PTPRD: variants seen among roughly 807,000 people sequenced by gnomAD.
PTPRD encodes the protein receptor-type tyrosine-protein phosphatase delta.
In PTPRD, 34 loss-of-function variants were observed where a neutral mutation model predicts 214.5. That is an observed-to-expected ratio of 0.16 (90% confidence interval 0.12 to 0.21). The LOEUF (loss-of-function observed/expected upper bound fraction) is 0.21. Among genes scored for constraint, PTPRD ranks in the 10% least tolerant of loss-of-function variants. The pLI is 1.00. For synonymous variants in PTPRD, 1,128 were observed against 845.7 expected, an observed-to-expected ratio of 1.33 and a Z score of -5.79; for missense variants, 2,545 against 2,398.7, an observed-to-expected ratio of 1.06 and a Z score of -1.27.
At chr9:8,825,566 C>T (rs1477656447) in intron 11 of PTPRD, among the ~76,000 whole-genome samples, 1 of 152,128 alleles carries the variant, frequency 6.6e-6, no homozygotes, top group East Asian at 1.9e-4. Context: ...AGATTAGCAA[C>T]GTTTTAAGCA....
chr9:9,563,952 T>C (rs1207025309), intron 8 of PTPRD, among the ~76,000 whole-genome samples: 1 of 152,124 alleles, frequency 6.6e-6, no homozygotes, highest in Non-Finnish European at 1.5e-5. Flanking sequence ...AATGGGCATA[T>C]GAGTCACTTA....
At chr9:9,203,675 C>A (rs973477641) in intron 9 of PTPRD, among the ~76,000 whole-genome samples, 1 of 152,098 alleles carries the variant, frequency 6.6e-6, no homozygotes, top group Non-Finnish European at 1.5e-5. Flanking sequence ...AGTCATATTT[C>A]CCAAAAAGTT....
chr9:10,054,059 A>G (rs999790080), intron 3 of PTPRD, among the ~76,000 whole-genome samples: 1 of 152,036 alleles, frequency 6.6e-6, no homozygotes. Flanking sequence ...ACACCCTGCG[A>G]CTTTAAAACT....
chr9:9,126,654 CTGAG>C (rs1171026810), intron 10 of PTPRD, among the ~76,000 whole-genome samples: 1 of 152,106 alleles, frequency 6.6e-6, no homozygotes, highest in African/African-American at 2.4e-5. Flanking sequence ...TGGTGAATCA[CTGAG>C]TGATGGTAGT....
chr9:9,534,192 T>C (rs1225983291), intron 8 of PTPRD, among the ~76,000 whole-genome samples: 4 of 152,134 alleles, frequency 2.6e-5, no homozygotes, highest in Admixed American at 2.6e-4. Context: ...CTGACAGCTA[T>C]AACTTGTTAA....
chr9:9,426,047 T>G (rs1010750455), intron 8 of PTPRD, among the ~76,000 whole-genome samples: 1 of 151,994 alleles, frequency 6.6e-6, no homozygotes, highest in Non-Finnish European at 1.5e-5. Flanking sequence ...ATGGGGCTTG[T>G]CCGGCAGTGG....
chr9:9,126,673 G>C (rs938254709), intron 10 of PTPRD, among the ~76,000 whole-genome samples: 3 of 152,206 alleles, frequency 2.0e-5, no homozygotes, highest in African/African-American at 7.2e-5. Flanking sequence ...GGTAGTTGTA[G>C]TGGTAGTAAG....
At chr9:8,966,555 A>G (rs1249259070) in intron 11 of PTPRD, among the ~76,000 whole-genome samples, 1 of 152,136 alleles carries the variant, frequency 6.6e-6, no homozygotes, top group Non-Finnish European at 1.5e-5. Flanking sequence ...CTGGCCAGCC[A>G]TATCCAGAAG....
intron 2 of PTPRD, among the ~76,000 whole-genome samples, chr9:10,590,460 A>T (rs1187213395): frequency 6.6e-6 from 1 of 152,002 alleles, no homozygotes; most frequent in Non-Finnish European, 1.5e-5. Flanking sequence ...GCTCCTTTAT[A>T]GTCAATCTTC....
chr9:9,774,587 CTG>C (rs1565162151), intron 5 of PTPRD, among the ~76,000 whole-genome samples: 2 of 152,180 alleles, frequency 1.3e-5, no homozygotes. Context: ...AAATAAATAT[CTG>C]TACCTATAAA....
At chr9:9,961,206 TCTTTC>T (rs2094341114) in intron 4 of PTPRD, among the ~76,000 whole-genome samples, 3 of 151,986 alleles carry the variant, frequency 2.0e-5, no homozygotes, top group Admixed American at 2.0e-4. Context: ...AGATACATAC[TCTTTC>T]CTTTCAAGAA....
intron 8 of PTPRD, among the ~76,000 whole-genome samples, chr9:9,434,876 T>A (rs1237481246): frequency 6.7e-6 from 1 of 148,532 alleles, no homozygotes; most frequent in Non-Finnish European, 1.5e-5. Context: ...TAATATATAT[T>A]GTTATATATT....
rs75803318 is a variant in PTPRD, at chr9:8,394,433, G to A, written c.4211-5026C>T. Among the ~76,000 whole-genome samples the A allele has an allele frequency of 2.6e-5, 4 of 152,212 alleles. No individual in the cohort carries two copies. The South Asian group carries it at 6.2e-4, about 24-fold the overall frequency. On this transcript the variant is annotated intron_variant, in intron 36 of 45. Transcript: ENST00000381196. ...CACATTACACTGTAGGTAAAGTCAC[G>A]TGTGCATTTTAAAGTCTTGGGACAA...
intron 3 of PTPRD, among the ~76,000 whole-genome samples, chr9:10,192,128 T>C (rs149575373): frequency 6.6e-6 from 1 of 152,238 alleles, no homozygotes; most frequent in East Asian, 1.9e-4. Flanking sequence ...CAGAAGAAAC[T>C]TTGTGAAAAG....
chr9:10,454,420 T>A (rs183766965), intron 2 of PTPRD, among the ~76,000 whole-genome samples: 1,819 of 151,716 alleles, frequency 0.012, 33 homozygotes, highest in African/African-American at 0.039. Flanking sequence ...ATACTTTTTT[T>A]AAAAAACTGA....
At chr9:8,848,805 G>A (rs1251852953) in intron 11 of PTPRD, among the ~76,000 whole-genome samples, 1 of 125,620 alleles carries the variant, frequency 8.0e-6, no homozygotes, top group Non-Finnish European at 1.8e-5. Context: ...TTTTATCTAT[G>A]CAACCTTGGG....
intron 12 of PTPRD, 35 bp downstream of exon 12, chr9:8,733,745 G>A (rs907429820): frequency 1.9e-6 from 3 of 1,549,600 alleles, no homozygotes; most frequent in Non-Finnish European, 1.7e-6. Context: ...ACTCATTATG[G>A]TCACAGCCCC....
intron 2 of PTPRD, among the ~76,000 whole-genome samples, chr9:10,436,244 A>G (rs912543493): frequency 6.6e-6 from 1 of 151,846 alleles, no homozygotes; most frequent in African/African-American, 2.4e-5. Context: ...ACATTGATAT[A>G]TGTGTATGAA....
At chr9:8,973,084 T>C (rs1382513018) in intron 11 of PTPRD, among the ~76,000 whole-genome samples, 1 of 151,778 alleles carries the variant, frequency 6.6e-6, no homozygotes, top group East Asian at 1.9e-4. Context: ...ATTAAAGAAA[T>C]TGCCTTTTAA....
Sources: allele counts gnomAD v4.1 joint callset (sites outside exome capture counted in the v4.1 genomes callset), GRCh38; gene constraint gnomAD v4.1.1; transcripts MANE v1.5; gene names NCBI Gene and HGNC (gene_info 2026-07-23, HGNC 2026-07-21).